Variants in PPIL3 observed in about 807,000 individuals in gnomAD.
The protein encoded by PPIL3 is peptidyl-prolyl cis-trans isomerase-like 3.
In PPIL3, 13 loss-of-function variants were observed where a neutral mutation model predicts 20.9. The observed-to-expected ratio is 0.62, with a 90% CI of 0.40 to 0.99. The LOEUF (loss-of-function observed/expected upper bound fraction) is 0.99, where lower values mean the gene tolerates loss of function less well. PPIL3 is among the 50% of genes least tolerant of loss of function. The pLI, the probability that PPIL3 is intolerant of heterozygous loss-of-function variation, is 0.00. For missense variants in PPIL3, 170 were observed against 195.2 expected, an observed-to-expected ratio of 0.87 and a Z score of 0.77; for synonymous variants, 71 against 64.4, an observed-to-expected ratio of 1.10 and a Z score of -0.49.
intron 3 of PPIL3, among the ~76,000 whole-genome samples, chr2:200,882,984 A>G (rs1245468160): frequency 1.3e-5 from 2 of 151,426 alleles, no homozygotes; most frequent in African/African-American, 2.4e-5. Context: ...TCCTCATCAC[A>G]TATACTAAGA....
At chr2:200,879,664 G>A (rs1486547664) in intron 5 of PPIL3, among the ~76,000 whole-genome samples, 2 of 152,064 alleles carry the variant, frequency 1.3e-5, no homozygotes, top group African/African-American at 2.4e-5. Flanking sequence ...GCAAGACCTC[G>A]TCTCTACAAA....
At chr2:200,879,581 T>G (rs2039644214) in intron 5 of PPIL3, among the ~76,000 whole-genome samples, 1 of 152,096 alleles carries the variant, frequency 6.6e-6, no homozygotes, top group Non-Finnish European at 1.5e-5. Context: ...ACTCCTATAA[T>G]CCCAACACTT....
chr2:200,879,400 T>G lies in PPIL3; in HGVS notation c.240+2021A>C, dbSNP rs1178707549. 4.6e-5 allele frequency among the ~76,000 whole-genome samples: 7 copies of G among 152,198 alleles called. No individual in the cohort carries two copies. The East Asian group carries it at 1.4e-3, about 29-fold the overall frequency. On this transcript the variant is annotated intron_variant, in intron 5 of 6. Transcript: ENST00000392283. ...TCCCAAAGTGCTGGGATTACAGGTGTGAGCCACCGCGCCCGGCCTATATAA... is the reference window on the plus strand; with the variant it reads ...TCCCAAAGTGCTGGGATTACAGGTGGGAGCCACCGCGCCCGGCCTATATAA...
Position 200,878,172 on chromosome 2 carries a change from AAT to A in PPIL3, c.241-1137_241-1136del, listed in dbSNP as rs1263367194. Among the ~76,000 whole-genome samples the A allele has an allele frequency of 2.6e-5, 4 of 152,328 alleles. No homozygotes were observed. In the East Asian group the frequency reaches 7.7e-4, roughly 29 times the overall value. On this transcript the variant is annotated intron_variant, in intron 5 of 6. Coordinates refer to ENST00000392283, the MANE Select transcript of PPIL3 (RefSeq NM_130906.3). The stretch of plus-strand genomic sequence containing the variant: ...ACACAATATTTAATACATACACAAA[AAT>A]ATAGTTAATAAAAATGTAAGTTAAT...
intron 6 of PPIL3, among the ~76,000 whole-genome samples, chr2:200,874,568 C>T (rs1357909114): frequency 1.3e-5 from 2 of 152,152 alleles, no homozygotes; most frequent in African/African-American, 4.8e-5. Flanking sequence ...TAAGGTTAAT[C>T]TTTGTTCTAA....
Position 200,876,134 on chromosome 2 carries a change from G to A in PPIL3, c.359+785C>T, listed in dbSNP as rs1019657767. 2.8e-5 allele frequency among the ~76,000 whole-genome samples: 4 copies of A among 144,766 alleles called. 1 individual carries two copies. The highest frequency in any genetic ancestry group is 2.7e-4 in the Admixed American group (4 of 14,656). 95.0% of individuals were successfully genotyped at this position (144,766 alleles called of 152,430 possible). A position where few individuals can be genotyped will look rare whatever the true frequency, so the allele number is the denominator to read the frequency against. On this transcript the variant is annotated intron_variant, in intron 6 of 6. Coordinates refer to ENST00000392283, the MANE Select transcript of PPIL3 (RefSeq NM_130906.3). ...GAGACCATGTCTCTAAAAAAAAAGT[G>A]TTTTTTTTGTTTTTTTTTTTTTTAA...
At chr2:200,885,168 T>C (rs2039882826) in intron 3 of PPIL3, 1 of 179,214 alleles carries the variant, frequency 5.6e-6, no homozygotes, top group Non-Finnish European at 1.1e-5. Flanking sequence ...GTTAGAAGTT[T>C]GAGACCAGCC....
At chr2:200,884,232 A>G (rs985737312) in intron 3 of PPIL3, among the ~76,000 whole-genome samples, 3 of 152,016 alleles carry the variant, frequency 2.0e-5, no homozygotes, top group African/African-American at 7.2e-5. Context: ...GTGAAACCCC[A>G]TCTCTACTAA....
chr2:200,883,421 A>G (rs1407681535), intron 3 of PPIL3, among the ~76,000 whole-genome samples: 1 of 151,134 alleles, frequency 6.6e-6, no homozygotes, highest in African/African-American at 2.4e-5. Flanking sequence ...ATTATTCTCT[A>G]TCTCAACACT....
At chr2:200,883,801 C>T (rs1435873848) in intron 3 of PPIL3, among the ~76,000 whole-genome samples, 2 of 152,138 alleles carry the variant, frequency 1.3e-5, no homozygotes, top group Non-Finnish European at 2.9e-5. Flanking sequence ...CTTGCTCTGT[C>T]ACCTAGGCTG....
In PPIL3 at chr2:200,885,712, G is replaced by A. The variant is rs763511989; in HGVS notation, c.64C>T (p.Pro22Ser). 22 of 1,574,258 alleles carry A rather than the reference G, an allele frequency of 1.4e-5. No homozygotes were observed. The highest frequency in any genetic ancestry group is 1.9e-5 in the Non-Finnish European group (22 of 1,146,322). Residue 22 changes from proline to serine, a missense_variant, in exon 3 of 7, where the codon CCC becomes TCC. Pro to Ser is a moderately conservative substitution (Grantham distance 74). Coordinates refer to ENST00000392283, the MANE Select transcript of PPIL3 (RefSeq NM_130906.3). ...IKIEVFCERT[P>S]KTCENFLALC... ...ATAGTACTTACCTCACATGTTTTGG[G>A]TGTCCTCTCACAGAAGACTTCAATT...
chr2:200,886,658 T>A (rs534688086), intron 2 of PPIL3, among the ~76,000 whole-genome samples: 2 of 152,284 alleles, frequency 1.3e-5, no homozygotes, highest in African/African-American at 4.8e-5. Context: ...ACTCCTGACC[T>A]CAAGTGATTG....
intron 3 of PPIL3, among the ~76,000 whole-genome samples, chr2:200,883,926 C>A (rs1426687875): frequency 6.6e-6 from 1 of 152,104 alleles, no homozygotes; most frequent in South Asian, 2.1e-4. Flanking sequence ...CAACATCTGG[C>A]TAATTTTTGT....
intron 5 of PPIL3, among the ~76,000 whole-genome samples, chr2:200,878,105 A>C (rs2039588552): frequency 1.3e-5 from 2 of 152,244 alleles, no homozygotes; most frequent in Admixed American, 6.5e-5. Flanking sequence ...GGTGTCCACC[A>C]ATCAAATGTA....
chr2:200,873,030 C>T (rs2039372338), intron 6 of PPIL3, among the ~76,000 whole-genome samples: 2 of 152,020 alleles, frequency 1.3e-5, no homozygotes, highest in South Asian at 4.1e-4. Flanking sequence ...TACCACCACG[C>T]CTGGCTAATT....
At chr2:200,879,635 G>A (rs2039647173) in intron 5 of PPIL3, among the ~76,000 whole-genome samples, 1 of 152,156 alleles carries the variant, frequency 6.6e-6, no homozygotes, top group South Asian at 2.1e-4. Flanking sequence ...AGGAGTTTCA[G>A]ACCAGACTGG....
intron 6 of PPIL3, among the ~76,000 whole-genome samples, chr2:200,871,854 TAC>T (rs946936386): frequency 3.3e-5 from 5 of 152,236 alleles, no homozygotes; most frequent in African/African-American, 1.2e-4. Context: ...ACTGTTTTTC[TAC>T]ACTTTCATAC....
At chr2:200,886,978 T>C (rs1223938170) in intron 2 of PPIL3, 1 of 152,320 alleles carries the variant, frequency 6.6e-6, no homozygotes, top group Middle Eastern at 3.2e-3. Context: ...TTGCCCACTT[T>C]AGATCTAGAG....
At chr2:200,872,578 C>CT (rs2039348146) in intron 6 of PPIL3, among the ~76,000 whole-genome samples, 1 of 152,084 alleles carries the variant, frequency 6.6e-6, no homozygotes, top group Non-Finnish European at 1.5e-5. Flanking sequence ...CTGAAGCTAT[C>CT]TAGAACCCCA....
Sources: allele counts gnomAD v4.1 joint callset (sites outside exome capture counted in the v4.1 genomes callset), GRCh38; gene constraint gnomAD v4.1.1; transcripts MANE v1.5; gene names NCBI Gene and HGNC (gene_info 2026-07-23, HGNC 2026-07-21).